KIDINS220: variants seen among roughly 807,000 people sequenced by gnomAD.
KIDINS220 encodes the protein kinase D-interacting substrate of 220 kDa.
Under a neutral mutation model 157.6 loss-of-function variants are expected in KIDINS220, and 63 were observed. The ratio of observed to expected loss-of-function variants is 0.40; its 90% CI spans 0.33 to 0.49. The LOEUF is 0.49. KIDINS220 is among the 20% of genes least tolerant of loss of function. KIDINS220 has a pLI of 0.66. For synonymous variants in KIDINS220, 732 were observed against 783.6 expected (o/e 0.93, Z 1.10); for missense variants, 1,772 against 2,171.2 (o/e 0.82, Z 3.65).
chr2:8,828,828 C>T (rs1407412437), intron 1 of KIDINS220, among the ~76,000 whole-genome samples: 1 of 152,190 alleles, frequency 6.6e-6, no homozygotes, highest in East Asian at 1.9e-4. Flanking sequence ...TATCCCATGC[C>T]CATTCCCTAA....
rs751057954 is a variant in KIDINS220 at position 8,824,814 on chromosome 2, C to T, written c.108+2172G>A. ...ATGAATAGACCAAGAAAATGTGCTA[C>T]GTACATACAATGAAATATTATTCAG... On this transcript the variant is annotated intron_variant, in intron 2 of 29. Transcript: ENST00000256707. Among the ~76,000 whole-genome samples the T allele has an allele frequency of 3.3e-5, 5 of 152,120 alleles. No homozygotes were observed. The East Asian group carries it at 7.7e-4, about 23-fold the overall frequency.
At chr2:8,763,517 T>G (rs894871851) in intron 22 of KIDINS220, among the ~76,000 whole-genome samples, 1 of 152,226 alleles carries the variant, frequency 6.6e-6, no homozygotes, top group Admixed American at 6.5e-5. Flanking sequence ...CTAGGTAAAG[T>G]GCTTAATCCA....
downstream of KIDINS220, chr2:8,723,263 C>A (rs1003341181): frequency 1.3e-5 from 2 of 152,312 alleles, no homozygotes; most frequent in Non-Finnish European, 2.9e-5. Context: ...ACATGCGTCA[C>A]TTCCAGGCCT....
At chr2:8,810,410 G>A (rs1275590031) in intron 6 of KIDINS220, among the ~76,000 whole-genome samples, 1 of 152,186 alleles carries the variant, frequency 6.6e-6, no homozygotes, top group East Asian at 1.9e-4. Flanking sequence ...ACCTGATTCT[G>A]GAGGGCCTTG....
intron 1 of KIDINS220, among the ~76,000 whole-genome samples, chr2:8,828,255 C>T (rs1679105833): frequency 6.6e-6 from 1 of 152,188 alleles, no homozygotes; most frequent in Admixed American, 6.5e-5. Context: ...TTCTCTTCCA[C>T]AGGACATGCA....
Position 8,757,491 on chromosome 2 carries a change from A to C in KIDINS220, c.3012-5847T>G, listed in dbSNP as rs1422335317. 10 of 1,398,182 alleles carry C rather than the reference A, an allele frequency of 7.2e-6. No homozygotes were observed. The South Asian group carries it at 1.5e-4, about 21-fold the overall frequency. The allele number at this position is 1,398,182 out of a possible 1,614,324, so 86.6% of individuals were successfully genotyped here. Reference sequence around the variant, plus strand: ...ATATGTGAGGCCGTCTTCATTTCAGAGGAGCAGAAGTGACTGTACTGTTGT... The same window carrying C: ...ATATGTGAGGCCGTCTTCATTTCAGCGGAGCAGAAGTGACTGTACTGTTGT... On this transcript the variant is annotated intron_variant, in intron 22 of 29. Transcript: ENST00000256707.
chr2:8,788,454 A>C (rs1274311723), intron 15 of KIDINS220, among the ~76,000 whole-genome samples, 193 bp downstream of exon 15: 1 of 152,100 alleles, frequency 6.6e-6, no homozygotes, highest in East Asian at 1.9e-4. Context: ...TTTTTAGTAG[A>C]GATGGGGTTT....
intron 5 of KIDINS220, 89 bp downstream of exon 5, chr2:8,813,148 C>T: frequency 1.4e-6 from 1 of 719,414 alleles, no homozygotes; most frequent in Admixed American, 2.7e-5. Flanking sequence ...TATTTCTACC[C>T]ACCACGAAGC....
intron 25 of KIDINS220, 76 bp downstream of exon 25, chr2:8,747,811 A>G: frequency 1.2e-6 from 1 of 848,708 alleles, no homozygotes; most frequent in Admixed American, 3.0e-5. Flanking sequence ...TACTATGTAA[A>G]GGAAATAACC....
intron 29 of KIDINS220, among the ~76,000 whole-genome samples, chr2:8,732,653 G>C (rs1398609404): frequency 6.6e-6 from 1 of 152,110 alleles, no homozygotes; most frequent in Non-Finnish European, 1.5e-5. Flanking sequence ...GTTTAAGAAG[G>C]GTCAAGAGCA....
chr2:8,755,246 C>T (rs967458107), intron 22 of KIDINS220, among the ~76,000 whole-genome samples: 1 of 152,224 alleles, frequency 6.6e-6, no homozygotes, highest in East Asian at 1.9e-4. Flanking sequence ...GTGCTCGGTG[C>T]AATTTCCCCC....
At chr2:8,757,450 G>T in intron 22 of KIDINS220, 1 of 1,326,438 alleles carries the variant, frequency 7.5e-7, no homozygotes, top group Non-Finnish European at 9.7e-7. Context: ...AAGCACACTT[G>T]ATTGTTTCCA....
chr2:8,782,277 T>C (rs62104375), intron 17 of KIDINS220, among the ~76,000 whole-genome samples: 609 of 151,702 alleles, frequency 4.0e-3, no homozygotes, highest in Non-Finnish European at 7.1e-3. Context: ...GTTCAAAAGA[T>C]AAACACAATC....
intron 6 of KIDINS220, among the ~76,000 whole-genome samples, chr2:8,811,180 A>G (rs1421731975): frequency 6.6e-6 from 1 of 152,214 alleles, no homozygotes; most frequent in Non-Finnish European, 1.5e-5. Flanking sequence ...ATCTTTAAGT[A>G]ATAGCTATTT....
At chr2:8,728,458 T>A (rs902942017), downstream of KIDINS220, among the ~76,000 whole-genome samples, 22 of 152,238 alleles carry the variant, frequency 1.4e-4, no homozygotes, top group Non-Finnish European at 1.5e-5. Flanking sequence ...AGCAGAGTTT[T>A]GCATGTGTGA....
intron 17 of KIDINS220, among the ~76,000 whole-genome samples, chr2:8,783,700 C>A (rs974182124): frequency 6.6e-6 from 1 of 151,992 alleles, no homozygotes; most frequent in Non-Finnish European, 1.5e-5. Context: ...ATTAAGAACA[C>A]AATTACTATA....
chr2:8,723,800 A>C (rs1663110518), downstream of KIDINS220: 1 of 152,244 alleles, frequency 6.6e-6, no homozygotes, highest in Admixed American at 6.5e-5. Flanking sequence ...AATTCTATTA[A>C]TTTATAAGAT....
chr2:8,723,562 C>T (rs989337876), downstream of KIDINS220: 2 of 152,162 alleles, frequency 1.3e-5, no homozygotes, highest in African/African-American at 2.4e-5. Flanking sequence ...TATGAAATCC[C>T]GGGATAACAT....
chr2:8,739,091 C>G (rs1665278696), intron 26 of KIDINS220, among the ~76,000 whole-genome samples: 2 of 152,146 alleles, frequency 1.3e-5, no homozygotes, highest in Non-Finnish European at 2.9e-5. Flanking sequence ...TATGGAGAAG[C>G]TGAGAATTCA....
Sources: allele counts gnomAD v4.1 joint callset (sites outside exome capture counted in the v4.1 genomes callset), GRCh38; gene constraint gnomAD v4.1.1; transcripts MANE v1.5; gene names NCBI Gene and HGNC (gene_info 2026-07-23, HGNC 2026-07-21).